MITF: variants seen among roughly 807,000 people sequenced by gnomAD.
The protein encoded by MITF is melanocyte inducing transcription factor, also known as microphthalmia-associated transcription factor.
A neutral mutation model predicts 60.5 loss-of-function variants in MITF; 17 were observed. The observed-to-expected ratio is 0.28, with a 90% CI of 0.19 to 0.42. MITF has a LOEUF of 0.42. Among genes scored for constraint, MITF ranks in the 10% least tolerant of loss-of-function variants. The pLI is 1.00. For synonymous variants in MITF, 260 were observed against 248.5 expected, an observed-to-expected ratio of 1.05 and a Z score of -0.43; for missense variants, 622 against 683.5, an observed-to-expected ratio of 0.91 and a Z score of 1.00.
At chr3:69,951,973 G>A (rs1017097133) in intron 7 of MITF, 87 bp downstream of exon 7, 5 of 967,842 alleles carry the variant, frequency 5.2e-6, no homozygotes, top group African/African-American at 4.9e-5. Flanking sequence ...GTAGAGGAGA[G>A]TTGATTCCTA....
In MITF at chr3:69,862,992, C is replaced by CTG. The variant is rs112179482; in HGVS notation, c.105-16124_105-16123dup. Reference sequence around the variant, plus strand: ...TATCTCTCTCTATCTCTCTTTCCCTCTGTGTGTGTGTGTGTGTGTTCATAT... The same window carrying CTG: ...TATCTCTCTCTATCTCTCTTTCCCTCTGTGTGTGTGTGTGTGTGTGTTCATAT... On this transcript the variant is annotated intron_variant, in intron 1 of 9. Coordinates refer to ENST00000352241, the MANE Select transcript of MITF (RefSeq NM_001354604.2). Among the ~76,000 whole-genome samples the CTG allele has an allele frequency of 2.1e-3, 311 of 150,232 alleles. 1 individual carries two copies. The highest frequency in any genetic ancestry group is 0.02 in the East Asian group (104 of 5,146).
chr3:69,936,500 CA>C (rs967148160), intron 2 of MITF: 434 of 1,053,924 alleles, frequency 4.1e-4, no homozygotes, highest in South Asian at 7.0e-4. Flanking sequence ...GTAGGGCTTC[CA>C]AAAAAAAGGC....
chr3:69,942,418 T>A (rs1379578477), intron 5 of MITF, among the ~76,000 whole-genome samples: 1 of 152,162 alleles, frequency 6.6e-6, no homozygotes, highest in Non-Finnish European at 1.5e-5. Flanking sequence ...CTTACTTAGG[T>A]ACACCAGAAT....
intron 9 of MITF, 115 bp downstream of exon 9, chr3:69,959,535 CCTT>C (rs1471693483): frequency 2.7e-5 from 35 of 1,299,512 alleles, no homozygotes; most frequent in Non-Finnish European, 3.7e-5. Context: ...CACAGTCAAT[CCTT>C]ATTATTTGTG....
At chr3:69,747,984 A>G (rs1399826926) in intron 1 of MITF, among the ~76,000 whole-genome samples, 3 of 152,216 alleles carry the variant, frequency 2.0e-5, no homozygotes, top group Non-Finnish European at 4.4e-5. Context: ...TAACCAGTGT[A>G]GAACTCCTGA....
intron 1 of MITF, among the ~76,000 whole-genome samples, chr3:69,816,380 A>G (rs758549055): frequency 7.2e-5 from 11 of 152,170 alleles, no homozygotes; most frequent in Non-Finnish European, 1.6e-4. Flanking sequence ...GACAGAAAGC[A>G]TAGGTGATCA....
chr3:69,927,407 A>G (rs1331805950), intron 2 of MITF, among the ~76,000 whole-genome samples: 2 of 152,076 alleles, frequency 1.3e-5, no homozygotes, highest in Admixed American at 1.3e-4. Flanking sequence ...ATTAGGACAA[A>G]TACCTAATGC....
At chr3:69,821,298 G>A (rs2063267195) in intron 1 of MITF, among the ~76,000 whole-genome samples, 2 of 152,114 alleles carry the variant, frequency 1.3e-5, no homozygotes, top group Admixed American at 6.5e-5. Context: ...GTTATAAATA[G>A]TATCTGCCCT....
intron 2 of MITF, among the ~76,000 whole-genome samples, chr3:69,892,772 C>T (rs1444665345): frequency 2.0e-5 from 3 of 152,196 alleles, no homozygotes; most frequent in African/African-American, 7.2e-5. Context: ...CAGCAGTAGG[C>T]CCTTCATGGT....
chr3:69,879,073 A>C (rs2064420045), intron 1 of MITF, 61 bp from the exon 2 acceptor site: 2 of 1,410,148 alleles, frequency 1.4e-6, no homozygotes, highest in African/African-American at 2.8e-5. Context: ...ATACCCCCAA[A>C]GTGCAAACGA....
intron 2 of MITF, among the ~76,000 whole-genome samples, chr3:69,896,229 G>A (rs999977831): frequency 4.6e-5 from 7 of 152,146 alleles, no homozygotes; most frequent in African/African-American, 1.7e-4. Context: ...TCAAAGACAA[G>A]TTTTATCATA....
At chr3:69,855,273 A>C (rs572331305) in intron 1 of MITF, among the ~76,000 whole-genome samples, 12 of 151,734 alleles carry the variant, frequency 7.9e-5, no homozygotes, top group East Asian at 3.9e-4. Context: ...AAAAAAAAAA[A>C]AAAAAACACT....
chr3:69,826,026 T>C (rs2063348761), intron 1 of MITF, among the ~76,000 whole-genome samples: 1 of 152,218 alleles, frequency 6.6e-6, no homozygotes, highest in Non-Finnish European at 1.5e-5. Flanking sequence ...TGCAGGTGCA[T>C]CTTTTTAAAA....
intron 1 of MITF, among the ~76,000 whole-genome samples, chr3:69,785,684 T>C (rs1468713215): frequency 6.6e-6 from 1 of 152,230 alleles, no homozygotes; most frequent in Non-Finnish European, 1.5e-5. Context: ...TGTCTTTTCT[T>C]ATTTTTATGA....
chr3:69,766,376 A>ATTT lies in MITF; in HGVS notation c.104+26703_104+26705dup, dbSNP rs753953309. Among the ~76,000 whole-genome samples the ATTT allele has an allele frequency of 2.2e-3, 209 of 95,122 alleles. 5 individuals are homozygous for ATTT. Among genetic ancestry groups the ATTT allele is most frequent in the African/African-American group, 4.1e-3 (91 of 22,054 alleles). The allele number at this position is 95,122 out of a possible 152,430, so 62.4% of individuals were successfully genotyped here. On this transcript the variant is annotated intron_variant, in intron 1 of 9. Coordinates refer to ENST00000352241, the MANE Select transcript of MITF (RefSeq NM_001354604.2). Reference sequence around the variant, plus strand: ...AGGTGTGCACCACCATGCCCAGCTAATTTTTTTTTTTTTTTTTTTTTTTTT... The same window carrying ATTT: ...AGGTGTGCACCACCATGCCCAGCTAATTTTTTTTTTTTTTTTTTTTTTTTTTTT...
chr3:69,893,668 A>C (rs149003042), intron 2 of MITF, among the ~76,000 whole-genome samples: 24 of 152,326 alleles, frequency 1.6e-4, no homozygotes, highest in African/African-American at 5.5e-4. Flanking sequence ...AGTTGATTCT[A>C]CCTATGATCT....
chr3:69,870,495 C>T (rs1428190563), intron 1 of MITF, among the ~76,000 whole-genome samples: 5 of 146,966 alleles, frequency 3.4e-5, no homozygotes, highest in Admixed American at 2.7e-4. Context: ...AGTGCAGTGG[C>T]GGGATATCCG....
intron 1 of MITF, among the ~76,000 whole-genome samples, chr3:69,811,491 A>G (rs1298534792): frequency 6.6e-6 from 1 of 152,192 alleles, no homozygotes; most frequent in Non-Finnish European, 1.5e-5. Context: ...TGCAGTGAGG[A>G]TGCCTGCCAA....
At chr3:69,789,661 C>A (rs1439380309) in intron 1 of MITF, among the ~76,000 whole-genome samples, 3 of 152,008 alleles carry the variant, frequency 2.0e-5, no homozygotes, top group Non-Finnish European at 4.4e-5. Flanking sequence ...TTCGAGACAA[C>A]CCTGGGCAGC....
Sources: gnomAD v4.1 joint callset for allele counts (sites outside exome capture counted in the v4.1 genomes callset) on GRCh38, gnomAD v4.1.1 for gene constraint, MANE v1.5 for transcripts, NCBI Gene and HGNC (gene_info 2026-07-23, HGNC 2026-07-21) for gene names.